The following SFI1 variants were observed in gnomAD, a reference collection of about 807,000 sequenced individuals.
The protein encoded by SFI1 is protein SFI1 homolog.
In SFI1, 195 loss-of-function variants were observed where a neutral mutation model predicts 207.5. The observed-to-expected ratio is 0.94, with a 90% CI of 0.84 to 1.06. SFI1 has a LOEUF of 1.06. SFI1 is among the 50% of genes least tolerant of loss of function. The probability of loss-of-function intolerance (pLI) is 0.00; values close to 1 mark genes in which losing one functional copy is unlikely to be tolerated. For synonymous variants in SFI1, 630 were observed against 598.9 expected, an observed-to-expected ratio of 1.05 and a Z score of -0.76; for missense variants, 1,634 against 1,588.0, an observed-to-expected ratio of 1.03 and a Z score of -0.49.
intron 1 of SFI1, among the ~76,000 whole-genome samples, chr22:31,506,530 G>C (rs964858291): frequency 1.3e-5 from 2 of 152,132 alleles, no homozygotes; most frequent in African/African-American, 4.8e-5. Context: ...CACAACTTCT[G>C]AGTGTGGCTC....
chr22:31,501,931 T>C (rs900588022), intron 1 of SFI1, among the ~76,000 whole-genome samples: 1 of 152,186 alleles, frequency 6.6e-6, no homozygotes, highest in Non-Finnish European at 1.5e-5. Context: ...TTCATTGACA[T>C]GTCTAAATGA....
rs73400252 is a variant in SFI1 at position 31,602,147 on chromosome 22, C to T, written c.1545-65C>T. 3,094 of 1,354,594 alleles carry T rather than the reference C, an allele frequency of 2.3e-3. 74 individuals carry two copies. In the African/African-American group the frequency reaches 0.039, roughly 17 times the overall value. The allele number at this position is 1,354,594 out of a possible 1,614,324, so 83.9% of individuals were successfully genotyped here. Reference sequence around the variant, plus strand: ...GGAAAAATCCAATTATTTGGAACTTCTAGTTCTGTTTGGGTTAATTTTTAT... The same window carrying T: ...GGAAAAATCCAATTATTTGGAACTTTTAGTTCTGTTTGGGTTAATTTTTAT... On this transcript the variant is annotated intron_variant, in intron 15 of 32. Coordinates refer to ENST00000400288, the MANE Select transcript of SFI1 (RefSeq NM_001007467.3).
chr22:31,519,390 T>G (rs2056931071), intron 2 of SFI1, among the ~76,000 whole-genome samples: 1 of 151,014 alleles, frequency 6.6e-6, no homozygotes, highest in South Asian at 2.1e-4. Flanking sequence ...CCTATGTCAG[T>G]CTCCCATGTA....
chr22:31,531,390 G>A (rs909976532), intron 4 of SFI1, among the ~76,000 whole-genome samples: 1 of 152,124 alleles, frequency 6.6e-6, no homozygotes, highest in East Asian at 1.9e-4. Flanking sequence ...GTTCAGTGGT[G>A]TGGCCTTTAG....
At chr22:31,613,302 G>T (rs573101448) in intron 25 of SFI1, 52 bp from the exon 26 acceptor site, 3 of 1,604,948 alleles carry the variant, frequency 1.9e-6, no homozygotes, top group South Asian at 1.1e-5. Context: ...CCTGGTCTGT[G>T]GGGGAGCTCT....
chr22:31,500,637 A>G (rs1404020077), intron 1 of SFI1, among the ~76,000 whole-genome samples: 1 of 150,660 alleles, frequency 6.6e-6, no homozygotes, highest in East Asian at 2.0e-4. Flanking sequence ...TTGTGTTTTT[A>G]GTAGAGACAG....
Position 31,604,406 on chromosome 22 carries a change from T to C in SFI1, c.1977+2T>C. 6.6e-7 allele frequency: 1 copy of C among 1,522,302 alleles called. No individual in the cohort carries two copies. Among genetic ancestry groups the C allele is most frequent in the Non-Finnish European group, 8.8e-7 (1 of 1,137,404 alleles). The allele number at this position is 1,522,302 out of a possible 1,614,324, so 94.3% of individuals were successfully genotyped here. A position where few individuals can be genotyped will look rare whatever the true frequency, so the allele number is the denominator to read the frequency against. On this transcript the variant is annotated splice_donor_variant, in intron 19 of 32. Coordinates refer to ENST00000400288, the MANE Select transcript of SFI1 (RefSeq NM_001007467.3). LOFTEE classifies it high-confidence loss of function. The stretch of plus-strand genomic sequence containing the variant: ...CACAGGGCGCTGCAGGCATGGGTGG[T>C]AGGAACTGCTGCTTCCCTCCTGATC...
At chr22:31,518,262 T>C (rs1011493577) in intron 2 of SFI1, among the ~76,000 whole-genome samples, 1 of 152,198 alleles carries the variant, frequency 6.6e-6, no homozygotes, top group Non-Finnish European at 1.5e-5. Context: ...TCCAAAGTAC[T>C]GGGTTTACAA....
rs556740747 is a variant in SFI1, at chr22:31,517,013, A to C, written c.92+8637A>C. Among the ~76,000 whole-genome samples the C allele has an allele frequency of 3.9e-5, 6 of 152,016 alleles. No homozygotes were observed. In the South Asian group the frequency reaches 1.2e-3, roughly 32 times the overall value. On this transcript the variant is annotated intron_variant, in intron 2 of 32. Coordinates refer to ENST00000400288, the MANE Select transcript of SFI1 (RefSeq NM_001007467.3). Reference sequence around the variant, plus strand: ...GCCAGATGTGGTGTCGCATGCCTATAATCCCAGCTACTTGGGAGGCTGAAG... The same window carrying C: ...GCCAGATGTGGTGTCGCATGCCTATCATCCCAGCTACTTGGGAGGCTGAAG...
intron 2 of SFI1, among the ~76,000 whole-genome samples, chr22:31,518,985 G>T (rs1459572989): frequency 2.6e-5 from 4 of 152,144 alleles, no homozygotes; most frequent in Non-Finnish European, 4.4e-5. Context: ...GGAAGCTTGC[G>T]CTTGATTTCT....
intron 12 of SFI1, 129 bp from the exon 13 acceptor site, chr22:31,583,746 C>T: frequency 1.3e-6 from 1 of 760,256 alleles, no homozygotes; most frequent in Admixed American, 1.9e-5. Flanking sequence ...TTTGTATGCC[C>T]ACTGTATGTT....
rs183742805 is a variant in SFI1, at chr22:31,500,373, G to T, written c.-31+3736G>T. 2.0e-5 allele frequency among the ~76,000 whole-genome samples: 3 copies of T among 152,056 alleles called. No homozygotes were observed. The East Asian group carries it at 5.8e-4, about 29-fold the overall frequency. ...TCAGTCAGCAGCTATTAACATGGAG[G>T]CAAGACCCTCTACTGGCAAAAATAT... On this transcript the variant is annotated intron_variant, in intron 1 of 32. Coordinates refer to ENST00000400288, the MANE Select transcript of SFI1 (RefSeq NM_001007467.3).
chr22:31,613,237 T>C (rs761244664), intron 25 of SFI1, 21 bp downstream of exon 25: 2 of 1,613,290 alleles, frequency 1.2e-6, no homozygotes, highest in Non-Finnish European at 1.7e-6. Flanking sequence ...CTCTGCATCC[T>C]ACCATCCCTG....
At chr22:31,573,033 C>G (rs1316348414) in intron 8 of SFI1, 25 bp from the exon 9 acceptor site, 10 of 1,610,850 alleles carry the variant, frequency 6.2e-6, no homozygotes, top group Non-Finnish European at 8.5e-6. Context: ...TCTCCTTTGA[C>G]TGTTGCCTCT....
intron 4 of SFI1, among the ~76,000 whole-genome samples, chr22:31,539,933 C>T (rs1417751302): frequency 1.3e-5 from 2 of 152,022 alleles, no homozygotes; most frequent in Admixed American, 1.3e-4. Context: ...TCAGGCTGGT[C>T]TCAAACTCCT....
intron 22 of SFI1, among the ~76,000 whole-genome samples, chr22:31,609,450 G>A (rs1641315915): frequency 6.6e-6 from 1 of 152,228 alleles, no homozygotes; most frequent in Admixed American, 6.5e-5. Flanking sequence ...CTGACACGCT[G>A]AAGGGGACAG....
At chr22:31,611,687 G>A (rs1569460463) in intron 23 of SFI1, 79 bp from the exon 24 acceptor site, 2 of 1,382,298 alleles carry the variant, frequency 1.4e-6, no homozygotes, top group South Asian at 1.3e-5. Context: ...CTGGGCAGAG[G>A]CTGGGTTAGA....
At chr22:31,527,304 C>T (rs1476955753) in intron 2 of SFI1, among the ~76,000 whole-genome samples, 1 of 152,164 alleles carries the variant, frequency 6.6e-6, no homozygotes, top group African/African-American at 2.4e-5. Flanking sequence ...CAAATATGTT[C>T]ACTCTTGACT....
At chr22:31,593,655 T>C (rs941442993) in intron 15 of SFI1, among the ~76,000 whole-genome samples, 7 of 119,854 alleles carry the variant, frequency 5.8e-5, no homozygotes, top group East Asian at 2.4e-4. Context: ...GGCTGGGAGG[T>C]GTAGGTTGTA....
Sources: allele counts gnomAD v4.1 joint callset (sites outside exome capture counted in the v4.1 genomes callset), GRCh38; gene constraint gnomAD v4.1.1; transcripts MANE v1.5; gene names NCBI Gene and HGNC (gene_info 2026-07-23, HGNC 2026-07-21).